Variants in TRIM44 observed in about 807,000 individuals in gnomAD.
The protein encoded by TRIM44 is tripartite motif-containing protein 44.
A neutral mutation model predicts 37.4 loss-of-function variants in TRIM44; 13 were observed. The ratio of observed to expected loss-of-function variants is 0.35; its 90% CI spans 0.23 to 0.55. The LOEUF (loss-of-function observed/expected upper bound fraction) is 0.55. TRIM44 is among the 20% of genes least tolerant of loss of function. The pLI is 0.89. For synonymous variants in TRIM44, 175 were observed against 157.2 expected, an observed-to-expected ratio of 1.11 and a Z score of -0.85; for missense variants, 426 against 437.2, an observed-to-expected ratio of 0.97 and a Z score of 0.23.
chr11:35,737,438 T>G (rs1489569538), intron 4 of TRIM44, among the ~76,000 whole-genome samples: 1 of 151,838 alleles, frequency 6.6e-6, no homozygotes, highest in East Asian at 1.9e-4. Flanking sequence ...TTCCAGCTAC[T>G]CAGAAGGCTG....
At chr11:35,675,771 C>T (rs538540105) in intron 1 of TRIM44, among the ~76,000 whole-genome samples, 57 of 152,242 alleles carry the variant, frequency 3.7e-4, no homozygotes, top group Middle Eastern at 6.8e-3. Flanking sequence ...CTACCCACCT[C>T]GGCCTCCCAA....
At chr11:35,727,480 T>C (rs1159680884) in intron 3 of TRIM44, among the ~76,000 whole-genome samples, 1 of 152,212 alleles carries the variant, frequency 6.6e-6, no homozygotes, top group Non-Finnish European at 1.5e-5. Flanking sequence ...CATTGAAAGG[T>C]ATCTGCTATA....
chr11:35,745,423 T>A (rs1852475336), intron 4 of TRIM44, among the ~76,000 whole-genome samples: 1 of 152,182 alleles, frequency 6.6e-6, no homozygotes, highest in South Asian at 2.1e-4. Context: ...TAGGCCTTTG[T>A]CAGATGGATA....
At chr11:35,669,112 C>T (rs946423751) in intron 1 of TRIM44, among the ~76,000 whole-genome samples, 1 of 152,084 alleles carries the variant, frequency 6.6e-6, no homozygotes, top group South Asian at 2.1e-4. Context: ...TGTAGCTTCT[C>T]ATTGCCTTTT....
intron 2 of TRIM44, among the ~76,000 whole-genome samples, chr11:35,713,798 G>A (rs758400180): frequency 2.4e-4 from 36 of 152,250 alleles, no homozygotes; most frequent in Non-Finnish European, 3.4e-4. Context: ...AATACCATGA[G>A]AGGCAAGTTG....
intron 4 of TRIM44, among the ~76,000 whole-genome samples, chr11:35,769,502 C>T (rs1306326411): frequency 6.6e-6 from 1 of 152,062 alleles, no homozygotes. Context: ...TGTGCATGTT[C>T]AGGACTTATT....
At chr11:35,723,272 G>C (rs745792361) in intron 2 of TRIM44, among the ~76,000 whole-genome samples, 11 of 152,092 alleles carry the variant, frequency 7.2e-5, no homozygotes, top group Non-Finnish European at 1.3e-4. Context: ...AAAATTAGAA[G>C]GTTAGATTCA....
chr11:35,675,886 G>A lies in TRIM44; in HGVS notation c.670-9373G>A, dbSNP rs117493722. Reference sequence around the variant, plus strand: ...TATACATTGCTGCTTATGTTTCATTGGCCAGAACTCAATACCCTGGCCTTA... The same window carrying A: ...TATACATTGCTGCTTATGTTTCATTAGCCAGAACTCAATACCCTGGCCTTA... On this transcript the variant is annotated intron_variant, in intron 1 of 4. Transcript: ENST00000299413. Among the ~76,000 whole-genome samples the A allele has an allele frequency of 1.6e-3, 245 of 152,064 alleles. 4 individuals are homozygous for A. In the East Asian group the frequency reaches 0.041, roughly 26 times the overall value.
chr11:35,755,728 T>G (rs1175634213), intron 4 of TRIM44, among the ~76,000 whole-genome samples: 1,551 of 150,830 alleles, frequency 0.01, 22 homozygotes, highest in African/African-American at 0.036. Flanking sequence ...CATATGGCTA[T>G]CCAGTTTTCC....
At chr11:35,773,958 A>G (rs1353831838) in intron 4 of TRIM44, among the ~76,000 whole-genome samples, 3 of 152,336 alleles carry the variant, frequency 2.0e-5, no homozygotes, top group Non-Finnish European at 4.4e-5. Context: ...TTATGGCAGC[A>G]TGATTTATAA....
At chr11:35,673,413 T>C (rs1423213141) in intron 1 of TRIM44, among the ~76,000 whole-genome samples, 1 of 152,158 alleles carries the variant, frequency 6.6e-6, no homozygotes, top group Admixed American at 6.5e-5. Context: ...TATAGAAGGG[T>C]TAGTTGGCTC....
chr11:35,703,444 G>A (rs898270644), intron 2 of TRIM44, among the ~76,000 whole-genome samples: 3 of 152,188 alleles, frequency 2.0e-5, no homozygotes, highest in Non-Finnish European at 2.9e-5. Context: ...TCTGAGAATG[G>A]GCAGACTGCC....
chr11:35,779,287 C>A (rs552964855), intron 4 of TRIM44, among the ~76,000 whole-genome samples: 1 of 152,172 alleles, frequency 6.6e-6, no homozygotes, highest in Admixed American at 6.5e-5. Flanking sequence ...TTGCTAAGAC[C>A]GTTGGAAAAG....
At chr11:35,672,139 A>T (rs376457443) in intron 1 of TRIM44, among the ~76,000 whole-genome samples, 6 of 152,190 alleles carry the variant, frequency 3.9e-5, no homozygotes, top group African/African-American at 1.4e-4. Context: ...CTTTAGATAT[A>T]CTCAGTAGTC....
Position 35,807,729 on chromosome 11 carries a change from A to T in TRIM44, c.*1344A>T, listed in dbSNP as rs1165658825. The stretch of plus-strand genomic sequence containing the variant: ...GTTCATACGCATAGACTGTTAAGAT[A>T]AAAAAATAGGAATCTTGCAAGGTAA... On this transcript the variant is annotated 3_prime_UTR_variant, in exon 5 of 5. Coordinates refer to ENST00000299413, the MANE Select transcript of TRIM44 (RefSeq NM_017583.6). 1 of 152,168 alleles carries T rather than the reference A, an allele frequency of 6.6e-6. No individual in the cohort carries two copies. Among genetic ancestry groups the T allele is most frequent in the Non-Finnish European group, 1.5e-5 (1 of 68,018 alleles). 9.4% of individuals were successfully genotyped at this position (152,168 alleles called of 1,614,324 possible).
intron 1 of TRIM44, among the ~76,000 whole-genome samples, chr11:35,671,946 A>T (rs1263562918): frequency 6.6e-6 from 1 of 152,182 alleles, no homozygotes; most frequent in Non-Finnish European, 1.5e-5. Context: ...ATGACTTGTC[A>T]TCTCAGATAT....
intron 3 of TRIM44, among the ~76,000 whole-genome samples, chr11:35,733,010 A>G (rs1183923599): frequency 2.6e-5 from 4 of 152,194 alleles, no homozygotes; most frequent in Non-Finnish European, 5.9e-5. Context: ...AAATGTTATT[A>G]ATTAACAATT....
At chr11:35,737,401 TC>T (rs1852339569) in intron 4 of TRIM44, among the ~76,000 whole-genome samples, 1 of 151,622 alleles carries the variant, frequency 6.6e-6, no homozygotes, top group East Asian at 2.0e-4. Flanking sequence ...CTGGGAGACT[TC>T]CAGGCACAGT....
rs880415 is a variant in TRIM44, at chr11:35,788,511, C to T, written c.1008-17847C>T. On this transcript the variant is annotated intron_variant, in intron 4 of 4. Coordinates refer to ENST00000299413, the MANE Select transcript of TRIM44 (RefSeq NM_017583.6). Reference sequence around the variant, plus strand: ...CATGGAGTCCTTCTATTCTCTTCCTCCAGACAATTTTTATATTCCTGTGTT... The same window carrying T: ...CATGGAGTCCTTCTATTCTCTTCCTTCAGACAATTTTTATATTCCTGTGTT... Among the ~76,000 whole-genome samples, 136 of 152,298 alleles carry T rather than the reference C, an allele frequency of 8.9e-4. 1 individual carries two copies. In the Middle Eastern group the frequency reaches 0.01, roughly 11 times the overall value.
Sources: allele counts gnomAD v4.1 joint callset (sites outside exome capture counted in the v4.1 genomes callset), GRCh38; gene constraint gnomAD v4.1.1; transcripts MANE v1.5; gene names NCBI Gene and HGNC (gene_info 2026-07-23, HGNC 2026-07-21).